SLC4A4: variants seen among roughly 807,000 people sequenced by gnomAD.
SLC4A4 encodes electrogenic sodium bicarbonate cotransporter 1.
In SLC4A4, 27 loss-of-function variants were observed where a neutral mutation model predicts 111.5. The observed-to-expected ratio is 0.24, with a 90% confidence interval of 0.18 to 0.33. The LOEUF (loss-of-function observed/expected upper bound fraction) is 0.33. SLC4A4 is among the 10% of genes least tolerant of loss of function. SLC4A4 has a pLI of 1.00. For missense variants in SLC4A4, 909 were observed against 1,315.5 expected (o/e 0.69, Z 4.78); for synonymous variants, 443 against 463.4 (o/e 0.96, Z 0.57).
chr4:71,194,595 A>G (rs1376663763), intron 1 of SLC4A4, among the ~76,000 whole-genome samples: 1 of 152,180 alleles, frequency 6.6e-6, no homozygotes, highest in Non-Finnish European at 1.5e-5. Flanking sequence ...TATATAGTTC[A>G]TATTGAATTT....
At chr4:71,440,877 A>G (rs1724653276) in intron 8 of SLC4A4, 104 bp downstream of exon 8, 17 of 1,296,272 alleles carry the variant, frequency 1.3e-5, no homozygotes, top group East Asian at 2.3e-5. Flanking sequence ...GTGCAAACAC[A>G]TTGGAGAGGT....
At chr4:71,468,948 C>CT (rs1346465615) in intron 13 of SLC4A4, among the ~76,000 whole-genome samples, 1 of 151,966 alleles carries the variant, frequency 6.6e-6, no homozygotes, top group Admixed American at 6.6e-5. Flanking sequence ...GTTCACTGGA[C>CT]TCAAACTCTG....
chr4:71,196,010 G>A (rs942627870), intron 1 of SLC4A4, among the ~76,000 whole-genome samples: 2 of 152,250 alleles, frequency 1.3e-5, no homozygotes, highest in Non-Finnish European at 2.9e-5. Context: ...TGAGTAATCA[G>A]TGGGACCATC....
intron 3 of SLC4A4, among the ~76,000 whole-genome samples, chr4:71,314,446 T>C (rs1226223127): frequency 6.6e-6 from 1 of 152,194 alleles, no homozygotes; most frequent in Non-Finnish European, 1.5e-5. Context: ...TAAAACATTG[T>C]ACTATAAAGA....
At position 71,172,280 on chromosome 4, in the gene SLC4A4, G is replaced by A. The variant is rs568780012; in HGVS notation, c.-1-64296G>A. 3.4e-5 allele frequency among the ~76,000 whole-genome samples: 5 copies of A among 146,938 alleles called. No individual in the cohort carries two copies. The South Asian group carries it at 1.1e-3, about 31-fold the overall frequency. On this transcript the variant is annotated intron_variant, in intron 2 of 26. Coordinates refer to the SLC4A4 transcript ENST00000649996. ...CTTTCTTTTTTTTTTTTTTTGAGAC[G>A]GAGTCTCGCTTTGTCGCCAGGCTGG...
At chr4:71,338,944 G>T in intron 3 of SLC4A4, 1 of 726,450 alleles carries the variant, frequency 1.4e-6, no homozygotes, top group Non-Finnish European at 2.0e-6. Context: ...CGGGGACTTG[G>T]GGGATCTCAG....
intron 2 of SLC4A4, among the ~76,000 whole-genome samples, chr4:71,110,041 T>TA: frequency 6.6e-6 from 1 of 152,110 alleles, no homozygotes; most frequent in East Asian, 1.9e-4. Context: ...ACCATCCAAG[T>TA]TTTCCCCTGG....
At chr4:71,466,341 C>A (rs1033212757) in intron 12 of SLC4A4, 103 bp from the exon 13 acceptor site, 2 of 1,279,330 alleles carry the variant, frequency 1.6e-6, no homozygotes, top group Non-Finnish European at 2.2e-6. Context: ...TTTGCTAAGA[C>A]CCTCCTAATA....
At chr4:71,529,654 G>A (rs1405329071) in intron 16 of SLC4A4, among the ~76,000 whole-genome samples, 1 of 152,092 alleles carries the variant, frequency 6.6e-6, no homozygotes, top group Non-Finnish European at 1.5e-5. Context: ...AGAGGTATAT[G>A]TCCTATGGGA....
At chr4:71,097,438 G>T (rs567151246) in intron 2 of SLC4A4, among the ~76,000 whole-genome samples, 4 of 152,156 alleles carry the variant, frequency 2.6e-5, no homozygotes, top group Admixed American at 6.6e-5. Context: ...TGTGCATTTA[G>T]GTTGATTCTA....
chr4:71,145,449 A>C (rs562075061), intron 2 of SLC4A4, among the ~76,000 whole-genome samples: 10 of 152,318 alleles, frequency 6.6e-5, no homozygotes, highest in African/African-American at 9.6e-5. Context: ...TATCAGGATG[A>C]TGCTGACCTC....
intron 16 of SLC4A4, among the ~76,000 whole-genome samples, chr4:71,517,515 T>C (rs1732519541): frequency 6.6e-6 from 1 of 152,212 alleles, no homozygotes; most frequent in South Asian, 2.1e-4. Flanking sequence ...TGGTCATTTA[T>C]TGTTTTCTTG....
chr4:71,266,303 C>T (rs1722256204), intron 3 of SLC4A4, among the ~76,000 whole-genome samples: 2 of 152,204 alleles, frequency 1.3e-5, no homozygotes, highest in Admixed American at 1.3e-4. Flanking sequence ...TTCCTATATA[C>T]TGTGACAATC....
intron 3 of SLC4A4, among the ~76,000 whole-genome samples, chr4:71,280,519 T>G (rs1301681272): frequency 6.6e-6 from 1 of 152,200 alleles, no homozygotes; most frequent in Non-Finnish European, 1.5e-5. Context: ...GTTTTATGGT[T>G]TCAGGGCTTA....
At chr4:71,365,631 T>A in intron 6 of SLC4A4, among the ~76,000 whole-genome samples, 1 of 152,180 alleles carries the variant, frequency 6.6e-6, no homozygotes, top group East Asian at 1.9e-4. Context: ...AAAAAGGAGA[T>A]CTTTCTAGGT....
At chr4:71,368,307 A>G (rs1287277685) in intron 6 of SLC4A4, among the ~76,000 whole-genome samples, 1 of 152,176 alleles carries the variant, frequency 6.6e-6, no homozygotes, top group Non-Finnish European at 1.5e-5. Flanking sequence ...GTGGTCTAAG[A>G]TTTGGCATAG....
intron 2 of SLC4A4, among the ~76,000 whole-genome samples, chr4:71,253,410 C>T (rs1233837265): frequency 2.0e-5 from 3 of 152,032 alleles, no homozygotes; most frequent in African/African-American, 7.2e-5. Context: ...AGCTTAATTA[C>T]CATTTTTTGC....
intron 6 of SLC4A4, among the ~76,000 whole-genome samples, chr4:71,357,867 G>C (rs2148913493): frequency 6.6e-6 from 1 of 152,240 alleles, no homozygotes; most frequent in African/African-American, 2.4e-5. Flanking sequence ...CATGGCGTTT[G>C]TTTCAAATAA....
intron 3 of SLC4A4, among the ~76,000 whole-genome samples, chr4:71,328,213 A>T (rs1360025290): frequency 6.6e-6 from 1 of 152,102 alleles, no homozygotes; most frequent in East Asian, 1.9e-4. Flanking sequence ...ACATTTCAAA[A>T]ATCCATTCAT....
Sources: allele counts gnomAD v4.1 joint callset (sites outside exome capture counted in the v4.1 genomes callset), GRCh38; gene constraint gnomAD v4.1.1; transcripts MANE v1.5; gene names NCBI Gene and HGNC (gene_info 2026-07-23, HGNC 2026-07-21).